SLC7A2: variants seen among roughly 807,000 people sequenced by gnomAD.
The protein encoded by SLC7A2 is cationic amino acid transporter 2.
SLC7A2 carries 48 observed loss-of-function variants against 58.9 expected under a neutral mutation model. The ratio of observed to expected loss-of-function variants is 0.82; its 90% CI spans 0.65 to 1.04. The LOEUF is 1.04. Among genes scored for constraint, SLC7A2 ranks in the 50% least tolerant of loss-of-function variants. The pLI, the probability that SLC7A2 is intolerant of heterozygous loss-of-function variation, is 0.00. For missense variants in SLC7A2, 1,029 were observed against 818.8 expected, an observed-to-expected ratio of 1.26 and a Z score of -3.13; for synonymous variants, 363 against 314.5, an observed-to-expected ratio of 1.15 and a Z score of -1.63.
At chr8:17,563,387 A>C (rs1210273255) in intron 11 of SLC7A2, among the ~76,000 whole-genome samples, 2 of 152,178 alleles carry the variant, frequency 1.3e-5, no homozygotes, top group African/African-American at 4.8e-5. Context: ...TTGATTGTGC[A>C]GGTGTTACTG....
At chr8:17,527,069 C>G (rs1300815567) in intron 2 of SLC7A2, among the ~76,000 whole-genome samples, 1 of 152,098 alleles carries the variant, frequency 6.6e-6, no homozygotes, top group African/African-American at 2.4e-5. Context: ...TTTTAAAAAT[C>G]ATTCATTTGG....
At chr8:17,528,335 T>C in intron 2 of SLC7A2, among the ~76,000 whole-genome samples, 1 of 152,186 alleles carries the variant, frequency 6.6e-6, no homozygotes, top group Non-Finnish European at 1.5e-5. Flanking sequence ...CTTGAGAGGT[T>C]CATATTTTAA....
intron 2 of SLC7A2, among the ~76,000 whole-genome samples, chr8:17,516,752 G>A (rs138725909): frequency 6.3e-4 from 96 of 152,306 alleles, no homozygotes; most frequent in African/African-American, 2.1e-3. Context: ...ACTCTTCACT[G>A]AACTTAACTG....
At chr8:17,546,823 T>C (rs1395756719) in intron 4 of SLC7A2, among the ~76,000 whole-genome samples, 2 of 152,144 alleles carry the variant, frequency 1.3e-5, no homozygotes. Context: ...CAGCAATCAT[T>C]TGCTCAATGG....
intron 2 of SLC7A2, among the ~76,000 whole-genome samples, chr8:17,532,768 T>C (rs145309233): frequency 6.6e-4 from 101 of 152,272 alleles, no homozygotes; most frequent in African/African-American, 2.4e-3. Flanking sequence ...AAGAATATAA[T>C]TCATAAAAAT....
At position 17,512,970 on chromosome 8, in the gene SLC7A2, C is replaced by T. The variant is rs936787685; in HGVS notation, c.-23+10668C>T. On this transcript the variant is annotated intron_variant, in intron 2 of 12. Transcript: ENST00000494857. ...GTGTTGCAGCATGTGTCAGAATTTCCGTCTATTTTAAGGCTGAATAATAGT... is the reference window on the plus strand; with the variant it reads ...GTGTTGCAGCATGTGTCAGAATTTCTGTCTATTTTAAGGCTGAATAATAGT... Among the ~76,000 whole-genome samples, 5 of 152,112 alleles carry T rather than the reference C, an allele frequency of 3.3e-5. No homozygotes were observed. In the East Asian group the frequency reaches 5.8e-4, roughly 18 times the overall value.
chr8:17,557,796 C>G (rs956784051), intron 8 of SLC7A2, among the ~76,000 whole-genome samples: 1 of 152,050 alleles, frequency 6.6e-6, no homozygotes, highest in Admixed American at 6.6e-5. Context: ...CCACTGCACT[C>G]CACCCTGGGT....
At chr8:17,537,892 T>G (rs1801742628) in intron 2 of SLC7A2, among the ~76,000 whole-genome samples, 1 of 152,218 alleles carries the variant, frequency 6.6e-6, no homozygotes, top group Non-Finnish European at 1.5e-5. Context: ...AAGTTTTGCT[T>G]CTTCTGTTCC....
chr8:17,561,972 G>A lies in SLC7A2; in HGVS notation c.1533G>A (p.Leu511=), dbSNP rs753235389. The change falls in exon 11 of 13, where the codon TTG becomes TTA. Residue 511 remains leucine, a synonymous_variant. Transcript: ENST00000494857. ...TCCTCGTGTTGGGCCTGAGTGTCTTGACCACTTACGGAGTTCATGCCATCA... is the reference window on the plus strand; with the variant it reads ...TCCTCGTGTTGGGCCTGAGTGTCTTAACCACTTACGGAGTTCATGCCATCA... ...LAFLVLGLSV[L]TTYGVHAITR... The A allele has an allele frequency of 6.2e-7, 1 of 1,614,062 alleles. No individual in the cohort carries two copies. Among genetic ancestry groups the A allele is most frequent in the Non-Finnish European group, 8.5e-7 (1 of 1,180,022 alleles).
In SLC7A2 at chr8:17,565,410, C is replaced by G. The variant is rs1803223876; in HGVS notation, c.*264C>G. ...TGTATGTATGTGTGTATGTATGTAT[C>G]TATGTATATGCTTGGGAACATGAGT... On this transcript the variant is annotated 3_prime_UTR_variant, in exon 13 of 13. Transcript: ENST00000494857. 1 of 369,014 alleles carries G rather than the reference C, an allele frequency of 2.7e-6. No individual in the cohort carries two copies. Among genetic ancestry groups the G allele is most frequent in the South Asian group, 5.3e-5 (1 of 18,910 alleles). 22.9% of individuals were successfully genotyped at this position (369,014 alleles called of 1,614,324 possible). A position where few individuals can be genotyped will look rare whatever the true frequency, so the allele number is the denominator to read the frequency against.
intron 2 of SLC7A2, chr8:17,511,000 A>G (rs901659593): frequency 1.1e-4 from 16 of 152,194 alleles, no homozygotes; most frequent in African/African-American, 3.9e-4. Context: ...TAATACAGGA[A>G]CAGAAAACCA....
At chr8:17,558,998 A>G (rs571617416) in intron 9 of SLC7A2, among the ~76,000 whole-genome samples, 1 of 152,348 alleles carries the variant, frequency 6.6e-6, no homozygotes. Flanking sequence ...ATATGCCTGG[A>G]TGAAATTGTA....
intron 2 of SLC7A2, chr8:17,511,174 A>G (rs917708110): frequency 1.3e-5 from 2 of 152,166 alleles, no homozygotes; most frequent in Non-Finnish European, 2.9e-5. Context: ...CGTAGATGGC[A>G]GGTTGATAGG....
intron 2 of SLC7A2, among the ~76,000 whole-genome samples, chr8:17,509,024 C>T (rs1026682264): frequency 2.0e-5 from 3 of 151,988 alleles, no homozygotes; most frequent in South Asian, 2.1e-4. Flanking sequence ...GTAAGGCAGG[C>T]GAATGATATT....
At position 17,534,541 on chromosome 8, in the gene SLC7A2, C is replaced by T. The variant is rs1055686825; in HGVS notation, c.-22-8777C>T. On this transcript the variant is annotated intron_variant, in intron 2 of 12. Coordinates refer to ENST00000494857, the MANE Select transcript of SLC7A2 (RefSeq NM_001370338.1). ...CCCACTCATTTAAAATACTCTGTTC[C>T]ATGAAAATATCATGCCAAATATTAC... Among the ~76,000 whole-genome samples, 12 of 152,150 alleles carry T rather than the reference C, an allele frequency of 7.9e-5. 1 individual carries two copies. The highest frequency in any genetic ancestry group is 2.9e-4 in the African/African-American group (12 of 41,514).
chr8:17,514,011 G>C (rs6997306), intron 2 of SLC7A2, among the ~76,000 whole-genome samples: 77,842 of 151,974 alleles, frequency 0.51, 21,878 homozygotes, highest in Non-Finnish European at 0.63. Flanking sequence ...GGGTAAATTT[G>C]AACTGCAAAT....
intron 2 of SLC7A2, among the ~76,000 whole-genome samples, chr8:17,540,071 G>A (rs1238170303): frequency 6.6e-6 from 1 of 151,568 alleles, no homozygotes; most frequent in Non-Finnish European, 1.5e-5. Context: ...AGTGTGTCTC[G>A]ACAAAAGCAT....
intron 2 of SLC7A2, among the ~76,000 whole-genome samples, chr8:17,540,968 G>A (rs935879328): frequency 6.6e-6 from 1 of 151,956 alleles, no homozygotes; most frequent in African/African-American, 2.4e-5. Context: ...CTCCACCATG[G>A]GCATGTTTTA....
chr8:17,554,678 T>C lies in SLC7A2; in HGVS notation c.1174T>C (p.Leu392=). The change falls in exon 8 of 13, where the codon TTA becomes CTA. Residue 392 remains leucine, a synonymous_variant. Coordinates refer to ENST00000494857, the MANE Select transcript of SLC7A2 (RefSeq NM_001370338.1). ...AACGAAGACACCAATAATTGCTACT[T>C]TATCATCGGGTGCAGTGGCAGGTGA... is the stretch of plus-strand genomic sequence containing the variant. The part of the protein sequence containing the change: ...SKTKTPIIAT[L]SSGAVAALMA... The C allele has an allele frequency of 6.2e-7, 1 of 1,612,130 alleles. No individual in the cohort carries two copies. Among genetic ancestry groups the C allele is most frequent in the Non-Finnish European group, 8.5e-7 (1 of 1,179,562 alleles).
Sources: gnomAD v4.1 joint callset for allele counts (sites outside exome capture counted in the v4.1 genomes callset) on GRCh38, gnomAD v4.1.1 for gene constraint, MANE v1.5 for transcripts, NCBI Gene and HGNC (gene_info 2026-07-23, HGNC 2026-07-21) for gene names.